The following WDR93 variants were observed in gnomAD, a reference collection of about 807,000 sequenced individuals.
WDR93 encodes the protein WD repeat domain 93, also known as WD repeat-containing protein 93.
WDR93 carries 73 observed loss-of-function variants against 82.9 expected under a neutral mutation model. That is an observed-to-expected ratio of 0.88 (90% CI 0.73 to 1.07). The LOEUF is 1.07. Among genes scored for constraint, WDR93 ranks in the 50% least tolerant of loss-of-function variants. The pLI is 0.00. For synonymous variants in WDR93, 283 were observed against 300.1 expected, an observed-to-expected ratio of 0.94 and a Z score of 0.59; for missense variants, 738 against 826.0, an observed-to-expected ratio of 0.89 and a Z score of 1.31.
intron 5 of WDR93, among the ~76,000 whole-genome samples, chr15:89,713,380 C>T (rs945876151): frequency 6.6e-6 from 1 of 152,056 alleles, no homozygotes; most frequent in African/African-American, 2.4e-5. Flanking sequence ...GATTTTTAAC[C>T]TTTAAATATT....
chr15:89,704,487 T>C (rs1007190545), intron 3 of WDR93: 1 of 152,206 alleles, frequency 6.6e-6, no homozygotes, highest in Non-Finnish European at 1.5e-5. Flanking sequence ...AAGGAATGTT[T>C]AATGGAAAAA....
At chr15:89,718,988 T>C (rs900139943) in intron 7 of WDR93, among the ~76,000 whole-genome samples, 2 of 152,254 alleles carry the variant, frequency 1.3e-5, no homozygotes, top group African/African-American at 4.8e-5. Context: ...TACAGTTTTG[T>C]TTCATGGAAT....
rs771643466 is a variant in WDR93 at position 89,722,086 on chromosome 15, A to C, written c.827A>C (p.Lys276Thr). 4 of 1,609,758 alleles carry C rather than the reference A, an allele frequency of 2.5e-6. No individual in the cohort carries two copies. Among genetic ancestry groups the C allele is most frequent in the Non-Finnish European group, 3.4e-6 (4 of 1,178,610 alleles). The change falls in exon 8 of 17, where the codon AAA becomes ACA. Residue 276 changes from lysine (K) to threonine (T), a missense_variant. Transcript: ENST00000268130. ...DANVSFKGDI[K>T]LSLPVYIMKI... Reference sequence around the variant, plus strand: ...AATGTTAGTTTTAAAGGAGACATTAAATTGAGTCTTCCAGTTTACATAATG... The same window carrying C: ...AATGTTAGTTTTAAAGGAGACATTACATTGAGTCTTCCAGTTTACATAATG...
At chr15:89,713,324 A>G (rs1410436147) in intron 5 of WDR93, among the ~76,000 whole-genome samples, 2 of 152,258 alleles carry the variant, frequency 1.3e-5, no homozygotes, top group Admixed American at 1.3e-4. Context: ...TGCTGCAGTT[A>G]TCACTGGGAC....
intron 12 of WDR93, 78 bp from the exon 13 acceptor site, chr15:89,732,928 T>C (rs117555610): frequency 2.0e-4 from 269 of 1,346,192 alleles, no homozygotes; most frequent in Non-Finnish European, 2.6e-4. Flanking sequence ...CTCACACACT[T>C]GCTGGTCACA....
intron 16 of WDR93, among the ~76,000 whole-genome samples, chr15:89,742,886 A>G (rs1026541085): frequency 6.6e-6 from 1 of 152,208 alleles, no homozygotes; most frequent in Non-Finnish European, 1.5e-5. Flanking sequence ...TAAAAGTTGG[A>G]ATCATACAGT....
intron 16 of WDR93, among the ~76,000 whole-genome samples, chr15:89,739,307 C>T (rs867875904): frequency 3.3e-5 from 5 of 152,064 alleles, no homozygotes; most frequent in Non-Finnish European, 7.4e-5. Flanking sequence ...TTGAAGGCTG[C>T]GAAGGAGACA....
intron 8 of WDR93, among the ~76,000 whole-genome samples, chr15:89,725,074 C>G (rs1416590849): frequency 2.0e-5 from 3 of 152,070 alleles, no homozygotes; most frequent in Non-Finnish European, 2.9e-5. Flanking sequence ...GAGTTAGTCA[C>G]CCTACTTCTA....
At chr15:89,727,438 T>C in intron 9 of WDR93, 110 bp downstream of exon 9, 1 of 1,264,482 alleles carries the variant, frequency 7.9e-7, no homozygotes, top group Non-Finnish European at 1.1e-6. Context: ...TTAAAAGCTC[T>C]TTCTGGGGCC....
At chr15:89,737,473 A>G in intron 14 of WDR93, 100 bp from the exon 15 acceptor site, 2 of 1,479,474 alleles carry the variant, frequency 1.4e-6, no homozygotes, top group Non-Finnish European at 1.8e-6. Flanking sequence ...TTTTATGTCC[A>G]GCTGCTTCTC....
intron 1 of WDR93, among the ~76,000 whole-genome samples, chr15:89,699,194 T>G (rs1410611538): frequency 6.6e-6 from 1 of 152,186 alleles, no homozygotes; most frequent in Non-Finnish European, 1.5e-5. Context: ...TTATTTATTT[T>G]AATGCTAGCT....
chr15:89,742,610 T>C (rs146137465), intron 16 of WDR93, among the ~76,000 whole-genome samples: 3,215 of 152,304 alleles, frequency 0.021, 123 homozygotes, highest in African/African-American at 0.074. Context: ...CTTGGCTCAC[T>C]GCAACCTCCA....
At chr15:89,719,402 C>A (rs1198662182) in intron 7 of WDR93, among the ~76,000 whole-genome samples, 1 of 152,206 alleles carries the variant, frequency 6.6e-6, no homozygotes, top group Non-Finnish European at 1.5e-5. Context: ...AGATAAAGCA[C>A]TATTCAGGTT....
intron 1 of WDR93, among the ~76,000 whole-genome samples, chr15:89,700,979 TACACACACAC>T (rs34106334): frequency 2.0e-5 from 3 of 150,212 alleles, no homozygotes; most frequent in African/African-American, 4.9e-5. Flanking sequence ...TATGTGTGTG[TACACACACAC>T]ACACACACAC....
intron 16 of WDR93, among the ~76,000 whole-genome samples, chr15:89,741,003 G>A (rs892889746): frequency 1.1e-4 from 16 of 152,100 alleles, no homozygotes; most frequent in Admixed American, 6.5e-4. Context: ...AACCGGGCAC[G>A]GTGGCAGGTG....
chr15:89,719,600 C>CT (rs1048366986), intron 7 of WDR93: 15 of 152,068 alleles, frequency 9.9e-5, no homozygotes, highest in African/African-American at 2.7e-4. Context: ...TGTCTTCTCT[C>CT]TTTTTTTCTT....
intron 8 of WDR93, among the ~76,000 whole-genome samples, chr15:89,724,091 C>T (rs1966634142): frequency 6.6e-6 from 1 of 152,000 alleles, no homozygotes; most frequent in African/African-American, 2.4e-5. Context: ...AGTTCCAGCA[C>T]TTTGGGAGGC....
At chr15:89,723,578 A>G (rs1966613522) in intron 8 of WDR93, among the ~76,000 whole-genome samples, 2 of 152,256 alleles carry the variant, frequency 1.3e-5, no homozygotes, top group African/African-American at 4.8e-5. Flanking sequence ...TAAAAAATAG[A>G]TAAGTGAATA....
At position 89,696,331 on chromosome 15, in the gene WDR93, A is replaced by C. The variant is rs756509204; in HGVS notation, c.-40-5376A>C. Among the ~76,000 whole-genome samples, 17 of 152,246 alleles carry C rather than the reference A, an allele frequency of 1.1e-4. 1 individual carries two copies. In the Middle Eastern group the frequency reaches 0.01, roughly 91 times the overall value. On this transcript the variant is annotated intron_variant, in intron 1 of 16. Coordinates refer to ENST00000268130, the MANE Select transcript of WDR93 (RefSeq NM_020212.2). ...AGTAGTTTTTTGCTTTTTATTACTG[A>C]TTAGTATTCTATTATATGGATATAC...
Sources: allele counts gnomAD v4.1 joint callset (sites outside exome capture counted in the v4.1 genomes callset), GRCh38; gene constraint gnomAD v4.1.1; transcripts MANE v1.5; gene names NCBI Gene and HGNC (gene_info 2026-07-23, HGNC 2026-07-21).